Variants in SLC8A1 observed in about 807,000 individuals in gnomAD.
SLC8A1 encodes solute carrier family 8 member A1.
In SLC8A1, 18 loss-of-function variants were observed where a neutral mutation model predicts 68.3. The ratio of observed to expected loss-of-function variants is 0.26; its 90% confidence interval spans 0.18 to 0.39. SLC8A1 has a LOEUF of 0.39. Ranked by LOEUF, SLC8A1 falls within the 10% of genes least tolerant of loss-of-function variation. SLC8A1 has a pLI of 1.00. For missense variants in SLC8A1, 985 were observed against 1,156.7 expected, an observed-to-expected ratio of 0.85 and a Z score of 2.15; for synonymous variants, 475 against 415.5, an observed-to-expected ratio of 1.14 and a Z score of -1.74.
chr2:40,188,013 C>A (rs542784603), intron 2 of SLC8A1, among the ~76,000 whole-genome samples: 1 of 152,144 alleles, frequency 6.6e-6, no homozygotes, highest in African/African-American at 2.4e-5. Context: ...CCTACACATG[C>A]CTGCTGAGAC....
At chr2:40,413,307 G>T (rs1692761252) in intron 2 of SLC8A1, among the ~76,000 whole-genome samples, 1 of 152,094 alleles carries the variant, frequency 6.6e-6, no homozygotes, top group Non-Finnish European at 1.5e-5. Context: ...GCACACATAT[G>T]TTTATTGCGG....
chr2:40,440,700 C>T (rs951596911), intron 1 of SLC8A1, among the ~76,000 whole-genome samples: 10 of 152,028 alleles, frequency 6.6e-5, no homozygotes, highest in South Asian at 4.1e-4. Flanking sequence ...TCTCAATAGA[C>T]GCAGAAAAGG....
chr2:40,327,792 T>C (rs182937484), intron 2 of SLC8A1, among the ~76,000 whole-genome samples: 4 of 152,254 alleles, frequency 2.6e-5, no homozygotes, highest in African/African-American at 4.8e-5. Flanking sequence ...CAACTACCTA[T>C]TGGATACTAT....
chr2:40,486,358 G>A (rs1014528382), intron 1 of SLC8A1, among the ~76,000 whole-genome samples: 1 of 152,166 alleles, frequency 6.6e-6, no homozygotes, highest in Non-Finnish European at 1.5e-5. Flanking sequence ...GAAATAATAT[G>A]CTGTGAAAGA....
At chr2:40,356,748 A>G (rs915464485) in intron 2 of SLC8A1, among the ~76,000 whole-genome samples, 12 of 152,194 alleles carry the variant, frequency 7.9e-5, no homozygotes, top group African/African-American at 2.7e-4. Context: ...GTCTACTTAA[A>G]TCGGCCTGCT....
chr2:40,492,685 G>A (rs1322790151), intron 1 of SLC8A1, among the ~76,000 whole-genome samples: 1 of 148,790 alleles, frequency 6.7e-6, no homozygotes, highest in African/African-American at 2.5e-5. Flanking sequence ...GTGGGCAAAG[G>A]ACATGAACAG....
chr2:40,222,900 AC>A (rs2058517806), intron 2 of SLC8A1, among the ~76,000 whole-genome samples: 2 of 152,150 alleles, frequency 1.3e-5, no homozygotes, highest in Admixed American at 1.3e-4. Flanking sequence ...AGAAATAGGA[AC>A]CCTTTTACAC....
At position 40,315,868 on chromosome 2, in the gene SLC8A1, T is replaced by A. The variant is rs1228846332; in HGVS notation, c.1808+112605A>T. On this transcript the variant is annotated intron_variant, in intron 2 of 7. Coordinates refer to ENST00000406785, the Ensembl canonical transcript of SLC8A1. ...CAAAAGGGGGAAAATACTCAAAAGCTTCTTGCAATGAGAACATTTGTCACT... is the reference window on the plus strand; with the variant it reads ...CAAAAGGGGGAAAATACTCAAAAGCATCTTGCAATGAGAACATTTGTCACT... Among the ~76,000 whole-genome samples the A allele has an allele frequency of 2.0e-5, 3 of 152,042 alleles. No homozygotes were observed. In the East Asian group the frequency reaches 5.8e-4, roughly 29 times the overall value.
chr2:40,194,238 G>A (rs1573869729), intron 2 of SLC8A1, among the ~76,000 whole-genome samples: 1 of 152,186 alleles, frequency 6.6e-6, no homozygotes, highest in East Asian at 1.9e-4. Context: ...GGGCATATAT[G>A]TTAAGTTTTT....
chr2:40,381,729 C>T (rs1341471377), intron 2 of SLC8A1, among the ~76,000 whole-genome samples: 1 of 151,362 alleles, frequency 6.6e-6, no homozygotes, highest in Non-Finnish European at 1.5e-5. Context: ...TATCTGAGTT[C>T]CTTTTTCAGG....
intron 1 of SLC8A1, among the ~76,000 whole-genome samples, chr2:40,447,228 G>T (rs572786472): frequency 6.6e-6 from 1 of 152,058 alleles, no homozygotes; most frequent in Non-Finnish European, 1.5e-5. Flanking sequence ...TGATACAGTC[G>T]AATCTATTCA....
chr2:40,420,547 G>T (rs1189278430), intron 2 of SLC8A1, among the ~76,000 whole-genome samples: 1 of 152,128 alleles, frequency 6.6e-6, no homozygotes, highest in African/African-American at 2.4e-5. Context: ...AGAGAAAAAA[G>T]CCAAAACCAA....
At chr2:40,332,390 C>T (rs1329848583) in intron 2 of SLC8A1, among the ~76,000 whole-genome samples, 3 of 129,668 alleles carry the variant, frequency 2.3e-5, no homozygotes, top group African/African-American at 8.6e-5. Flanking sequence ...TTCAAACAGT[C>T]AAATGATATC....
intron 2 of SLC8A1, among the ~76,000 whole-genome samples, chr2:40,357,333 C>T (rs1414979252): frequency 6.6e-6 from 1 of 150,696 alleles, no homozygotes; most frequent in Non-Finnish European, 1.5e-5. Context: ...CTCTACAAAA[C>T]ATTTTTTTTT....
At chr2:40,128,325 T>G (rs2038586300) in intron 7 of SLC8A1, among the ~76,000 whole-genome samples, 1 of 152,236 alleles carries the variant, frequency 6.6e-6, no homozygotes, top group Non-Finnish European at 1.5e-5. Context: ...AGCCCCTATT[T>G]TCTTCTCTTG....
intron 2 of SLC8A1, among the ~76,000 whole-genome samples, chr2:40,376,829 CTAAA>C (rs898504876): frequency 6.6e-6 from 1 of 152,058 alleles, no homozygotes; most frequent in Non-Finnish European, 1.5e-5. Flanking sequence ...CTCCTGTCAA[CTAAA>C]TAATCTGAAT....
chr2:40,392,238 G>GAGAA (rs1189446621), intron 2 of SLC8A1, among the ~76,000 whole-genome samples: 3 of 149,236 alleles, frequency 2.0e-5, no homozygotes, highest in African/African-American at 7.5e-5. Flanking sequence ...GAAAAAGAAA[G>GAGAA]AGAAAGGAAG....
At chr2:40,434,178 C>T (rs1335706816) in intron 1 of SLC8A1, among the ~76,000 whole-genome samples, 1 of 152,082 alleles carries the variant, frequency 6.6e-6, no homozygotes, top group African/African-American at 2.4e-5. Context: ...AGTAAAAATC[C>T]ATCATCATTA....
At chr2:40,396,748 T>TAAAACAAAA (rs1687029805) in intron 2 of SLC8A1, among the ~76,000 whole-genome samples, 1 of 87,086 alleles carries the variant, frequency 1.1e-5, no homozygotes, top group African/African-American at 6.2e-5. Context: ...CTCTAATAAC[T>TAAAACAAAA]AAAAAAAAAA....
Sources: gnomAD v4.1 joint callset for allele counts (sites outside exome capture counted in the v4.1 genomes callset) on GRCh38, gnomAD v4.1.1 for gene constraint, MANE v1.5 for transcripts, NCBI Gene and HGNC (gene_info 2026-07-23, HGNC 2026-07-21) for gene names.